Variants in FRMD5 observed in about 807,000 individuals in gnomAD.
FRMD5 encodes the protein FERM domain-containing protein 5.
A neutral mutation model predicts 69.0 loss-of-function variants in FRMD5; 20 were observed. That is an observed-to-expected ratio of 0.29 (90% CI 0.20 to 0.42). The LOEUF (loss-of-function observed/expected upper bound fraction) is 0.42, where lower values mean the gene tolerates loss of function less well. Among genes scored for constraint, FRMD5 ranks in the 10% least tolerant of loss-of-function variants. The pLI is 1.00. For synonymous variants in FRMD5, 271 were observed against 260.1 expected (o/e 1.04, Z -0.40); for missense variants, 595 against 708.6 (o/e 0.84, Z 1.82).
intron 1 of FRMD5, chr15:43,989,802 G>T: frequency 9.6e-7 from 1 of 1,042,402 alleles, no homozygotes; most frequent in Non-Finnish European, 1.5e-6. Context: ...CTGGCCTGTC[G>T]AAGATCTCCA....
At chr15:44,134,629 T>C (rs1445773329) in intron 1 of FRMD5, among the ~76,000 whole-genome samples, 3 of 152,126 alleles carry the variant, frequency 2.0e-5, no homozygotes, top group Non-Finnish European at 4.4e-5. Context: ...TCTGTATTTT[T>C]AGTAGAGACA....
chr15:44,103,679 C>T (rs1157617579), intron 1 of FRMD5, among the ~76,000 whole-genome samples: 4 of 152,180 alleles, frequency 2.6e-5, no homozygotes, highest in African/African-American at 9.7e-5. Flanking sequence ...CATTAGCAAG[C>T]AATCATTCCC....
chr15:43,971,581 G>A (rs2090378732), intron 1 of FRMD5, among the ~76,000 whole-genome samples: 1 of 148,920 alleles, frequency 6.7e-6, no homozygotes, highest in Non-Finnish European at 1.5e-5. Context: ...CTACTCAGGA[G>A]GCTGATGCAG....
chr15:44,100,899 C>A (rs1375989867), intron 1 of FRMD5, among the ~76,000 whole-genome samples: 1 of 152,050 alleles, frequency 6.6e-6, no homozygotes, highest in Non-Finnish European at 1.5e-5. Flanking sequence ...GCCTGTAATC[C>A]CAGCACTTTG....
intron 7 of FRMD5, among the ~76,000 whole-genome samples, chr15:43,898,688 G>A (rs1290055124): frequency 6.6e-6 from 1 of 152,216 alleles, no homozygotes; most frequent in Non-Finnish European, 1.5e-5. Flanking sequence ...CAGGGCCAGG[G>A]AACAGATATA....
At chr15:44,061,842 C>T (rs937683684) in intron 1 of FRMD5, among the ~76,000 whole-genome samples, 3 of 152,126 alleles carry the variant, frequency 2.0e-5, no homozygotes, top group African/African-American at 7.2e-5. Flanking sequence ...AATCACTTTC[C>T]CCCACCATTT....
chr15:43,877,600 AC>A (rs2140338745), intron 13 of FRMD5, among the ~76,000 whole-genome samples: 1 of 152,320 alleles, frequency 6.6e-6, no homozygotes, highest in Admixed American at 6.5e-5. Flanking sequence ...AAGGCAGGGC[AC>A]CTGCCATCTA....
At position 43,915,073 on chromosome 15, in the gene FRMD5, G is replaced by A. The variant is rs1164916645; in HGVS notation, c.329+4386C>T. ...TGTTTAATGGATGAAGAGACTGAGTGCTTAGAGATACTGTTCTTGCCTTGT... is the reference window on the plus strand; with the variant it reads ...TGTTTAATGGATGAAGAGACTGAGTACTTAGAGATACTGTTCTTGCCTTGT... On this transcript the variant is annotated intron_variant, in intron 4 of 13. Coordinates refer to ENST00000417257, the MANE Select transcript of FRMD5 (RefSeq NM_032892.5). 1.3e-5 allele frequency among the ~76,000 whole-genome samples: 2 copies of A among 152,140 alleles called. 1 individual carries two copies. The highest frequency in any genetic ancestry group is 3.9e-4 in the East Asian group (2 of 5,194).
At chr15:43,973,884 C>A (rs945645681) in intron 1 of FRMD5, among the ~76,000 whole-genome samples, 1 of 150,892 alleles carries the variant, frequency 6.6e-6, no homozygotes, top group African/African-American at 2.4e-5. Context: ...CTAAGTCAGG[C>A]CTCCTCAATC....
intron 1 of FRMD5, among the ~76,000 whole-genome samples, chr15:44,121,281 G>A (rs1044654889): frequency 7.3e-6 from 1 of 137,724 alleles, no homozygotes; most frequent in South Asian, 2.8e-4. Flanking sequence ...CAGGGGGGTG[G>A]GAGGGGGAGT....
Position 43,909,465 on chromosome 15 carries a change from T to C in FRMD5, c.427+417A>G, listed in dbSNP as rs117217841. On this transcript the variant is annotated intron_variant, in intron 5 of 13. Transcript: ENST00000417257. ...TTGAACTCTGCTTCAAGTTAGATAC[T>C]GTTTGTTTGTTTGTTTATGTATTTA... Among the ~76,000 whole-genome samples, 132 of 151,470 alleles carry C rather than the reference T, an allele frequency of 8.7e-4. 5 individuals carry two copies. The East Asian group carries it at 0.024, about 27-fold the overall frequency.
chr15:43,910,083 C>G (rs2089258076), intron 4 of FRMD5, 104 bp from the exon 5 acceptor site: 3 of 595,780 alleles, frequency 5.0e-6, no homozygotes, highest in Admixed American at 2.9e-5. Flanking sequence ...GATACTTTTA[C>G]TACATTAAAA....
intron 4 of FRMD5, among the ~76,000 whole-genome samples, chr15:43,915,340 T>C (rs998942247): frequency 6.6e-6 from 1 of 152,192 alleles, no homozygotes; most frequent in African/African-American, 2.4e-5. Context: ...TATTTGGCCC[T>C]TTACAGAAAA....
intron 1 of FRMD5, among the ~76,000 whole-genome samples, chr15:43,931,333 T>C (rs2089671034): frequency 6.6e-6 from 1 of 152,214 alleles, no homozygotes; most frequent in Non-Finnish European, 1.5e-5. Context: ...AAAAAACTCA[T>C]TGCTTTGTAT....
At chr15:44,060,768 G>A (rs557717426) in intron 1 of FRMD5, among the ~76,000 whole-genome samples, 1 of 152,044 alleles carries the variant, frequency 6.6e-6, no homozygotes, top group Admixed American at 6.6e-5. Context: ...TAATGAAAAA[G>A]GAAAAAAATC....
chr15:44,087,244 T>C (rs1894235159), intron 1 of FRMD5, among the ~76,000 whole-genome samples: 1 of 152,138 alleles, frequency 6.6e-6, no homozygotes, highest in South Asian at 2.1e-4. Context: ...GGCCTCAAAC[T>C]CTTGACTTCA....
rs1045082712 is a variant in FRMD5, at chr15:43,904,990, C to G, written c.551+838G>C. Among the ~76,000 whole-genome samples, 36 of 152,158 alleles carry G rather than the reference C, an allele frequency of 2.4e-4. 1 individual carries two copies. The highest frequency in any genetic ancestry group is 8.8e-5 in the Non-Finnish European group (6 of 68,040). ...TGAGTCAGGCGGGGCTGAGGACATA[C>G]TTCTGAACCAGAGTGCTCCCAAGGC... On this transcript the variant is annotated intron_variant, in intron 6 of 13. Transcript: ENST00000417257.
chr15:43,900,785 C>A (rs886724122), intron 7 of FRMD5, among the ~76,000 whole-genome samples: 1 of 151,936 alleles, frequency 6.6e-6, no homozygotes, highest in African/African-American at 2.4e-5. Flanking sequence ...GTCTGGCTAG[C>A]TTTTTATATT....
intron 1 of FRMD5, among the ~76,000 whole-genome samples, chr15:44,082,532 C>G (rs1324347159): frequency 1.3e-5 from 2 of 151,928 alleles, no homozygotes; most frequent in African/African-American, 4.8e-5. Flanking sequence ...ATTGAAGACT[C>G]CCTTGTTTTA....
Sources: allele counts gnomAD v4.1 joint callset (sites outside exome capture counted in the v4.1 genomes callset), GRCh38; gene constraint gnomAD v4.1.1; transcripts MANE v1.5; gene names NCBI Gene and HGNC (gene_info 2026-07-23, HGNC 2026-07-21).